The following EPS8L1 variants were observed in gnomAD, a reference collection of about 807,000 sequenced individuals.
The protein encoded by EPS8L1 is EPS8 signaling adaptor L1.
In EPS8L1, 101 loss-of-function variants were observed where a neutral mutation model predicts 91.7. That is an observed-to-expected ratio of 1.10 (90% CI 0.94 to 1.30). The LOEUF is 1.30. Among genes scored for constraint, EPS8L1 ranks in the 50% most tolerant of loss-of-function variants. The pLI, the probability that EPS8L1 is intolerant of heterozygous loss-of-function variation, is 0.00. For missense variants in EPS8L1, 1,114 were observed against 1,017.0 expected (o/e 1.10, Z -1.30); for synonymous variants, 506 against 445.3 (o/e 1.14, Z -1.72).
Position 55,083,494 on chromosome 19 carries a change from T to TAC in EPS8L1, c.1333_1334dup (p.Gln445HisfsTer89). The TAC allele has an allele frequency of 6.2e-7, 1 of 1,611,998 alleles. No homozygotes were observed. Among genetic ancestry groups the TAC allele is most frequent in the Non-Finnish European group, 8.5e-7 (1 of 1,179,528 alleles). ...TGGGAGGACCCAGTTGAGAAACAGCTACAGCACGAGCGGAGGCGCCGGCAG... is the reference window on the plus strand; with the variant it reads ...TGGGAGGACCCAGTTGAGAAACAGCTACACAGCACGAGCGGAGGCGCCGGCAG... On this transcript the variant is annotated frameshift_variant, in exon 13 of 20. Coordinates refer to ENST00000201647, the MANE Select transcript of EPS8L1 (RefSeq NM_133180.3). LOFTEE classifies it high-confidence loss of function. This position sits in a 1 kb window ranked among gnomAD's most constrained non-coding sequence, Gnocchi z 4.7.
chr19:55,081,101 C>A lies in EPS8L1; in HGVS notation c.513-130C>A. On this transcript the variant is annotated intron_variant, in intron 7 of 19. Transcript: ENST00000201647. This position sits in a 1 kb window ranked among gnomAD's most constrained non-coding sequence, Gnocchi z 4.9. ...CTATCCCTCCGTATATCGGATTTCT[C>A]CCTACCTCGTTGAACTTGTTCACTC... 2.5e-6 allele frequency: 3 copies of A among 1,195,112 alleles called. No individual in the cohort carries two copies. Among genetic ancestry groups the A allele is most frequent in the Non-Finnish European group, 3.4e-6 (3 of 882,866 alleles). 74.0% of individuals were successfully genotyped at this position (1,195,112 alleles called of 1,614,324 possible).
Position 55,079,855 on chromosome 19 carries a change from C to T in EPS8L1, c.279+4C>T, listed in dbSNP as rs775399659. Reference sequence around the variant, plus strand: ...GCTGCTCGACCCGGCCTCCAAGGTGCCGGGGGGCACGTGGGTGGGAGGAGT... The same window carrying T: ...GCTGCTCGACCCGGCCTCCAAGGTGTCGGGGGGCACGTGGGTGGGAGGAGT... On this transcript the variant is annotated splice_donor_region_variant and intron_variant, in intron 5 of 19. Transcript: ENST00000201647. The T allele has an allele frequency of 3.1e-6, 5 of 1,608,548 alleles. No individual in the cohort carries two copies. The South Asian group carries it at 5.5e-5, about 18-fold the overall frequency.
chr19:55,079,589 G>A, intron 4 of EPS8L1, 101 bp from the exon 5 acceptor site: 1 of 1,388,130 alleles, frequency 7.2e-7, no homozygotes, highest in Non-Finnish European at 9.8e-7. Context: ...TCCTGGAGGA[G>A]GTGTGGTTAG....
chr19:55,086,470 C>G lies in EPS8L1; in HGVS notation c.1729C>G (p.Arg577Gly). 6.4e-7 allele frequency: 1 copy of G among 1,552,086 alleles called. No individual in the cohort carries two copies. ...GGCTCGGCCCCGCTGGGACAGGCCC[C>G]GCTGGGACAGCTGCGATAGCCTCAA... Reference protein sequence around the residue: ...ALARPRWDRPRWDSCDSLNGL... With the variant: ...ALARPRWDRPGWDSCDSLNGL... The change falls in exon 17 of 20, where the codon CGC becomes GGC. Residue 577 changes from arginine to glycine, a missense_variant. Arg to Gly is a moderately radical substitution (Grantham distance 125, BLOSUM62 -2). Coordinates refer to ENST00000201647, the MANE Select transcript of EPS8L1 (RefSeq NM_133180.3).
At chr19:55,084,258 C>G (rs563914005) in intron 14 of EPS8L1, 2 of 161,792 alleles carry the variant, frequency 1.2e-5, no homozygotes, top group South Asian at 1.7e-4. Context: ...TTGTCTAAGT[C>G]GCTGCTGGGT....
At position 55,087,914 on chromosome 19, in the gene EPS8L1, G is replaced by A. The variant is rs188587147; in HGVS notation, c.*300G>A. 677 of 395,964 alleles carry A rather than the reference G, an allele frequency of 1.7e-3. 2 individuals are homozygous for A. Among genetic ancestry groups the A allele is most frequent in the Admixed American group, 4.4e-3 (113 of 25,822 alleles). 24.5% of individuals were successfully genotyped at this position (395,964 alleles called of 1,614,324 possible). On this transcript the variant is annotated 3_prime_UTR_variant, in exon 20 of 20. Transcript: ENST00000201647. The stretch of plus-strand genomic sequence containing the variant: ...GCGGCCCAGCCTATAAACAGCCTCC[G>A]TGCTTAGCAGATGGTGTGCCAACTG...
Position 55,080,225 on chromosome 19 carries a change from G to C in EPS8L1, c.376G>C (p.Glu126Gln). ...CTCGTTGCTGCTGCTCGTGTGCCAG[G>C]AACCCGAGCGCGCGCAGCCCGACGT... ...SRSLLLLVCQ[E>Q]PERAQPDVHF... The change falls in exon 6 of 20, where the codon GAA becomes CAA. Residue 126 changes from glutamate to glutamine, a missense_variant. Physicochemically the swap from Glu to Gln is conservative, Grantham distance 29 (BLOSUM62 2). Transcript: ENST00000201647. 1 of 1,538,558 alleles carries C rather than the reference G, an allele frequency of 6.5e-7. No homozygotes were observed. Among genetic ancestry groups the C allele is most frequent in the Non-Finnish European group, 8.8e-7 (1 of 1,138,018 alleles).
chr19:55,086,233 C>G (rs772461893), intron 16 of EPS8L1, 41 bp downstream of exon 16: 1 of 1,597,240 alleles, frequency 6.3e-7, no homozygotes, highest in South Asian at 1.1e-5. Flanking sequence ...GGTGGAGAGG[C>G]TGGGACCAGA....
Position 55,081,035 on chromosome 19 carries a change from C to A in EPS8L1, c.512+181C>A, listed in dbSNP as rs1447943097. ...TTCTCCAGAACTCTGCTTCTTTTCT[C>A]TGTTCCCTGTCCAGGCCCTCAGTTT... On this transcript the variant is annotated intron_variant, in intron 7 of 19. Coordinates refer to ENST00000201647, the MANE Select transcript of EPS8L1 (RefSeq NM_133180.3). The surrounding 1 kb of genome is among the most constrained non-coding windows in gnomAD (Gnocchi z 4.9). The A allele has an allele frequency of 5.1e-5, 47 of 918,262 alleles. No individual in the cohort carries two copies. In the South Asian group the frequency reaches 8.1e-4, roughly 16 times the overall value. The allele number at this position is 918,262 out of a possible 1,614,324, so 56.9% of individuals were successfully genotyped here.
At position 55,081,279 on chromosome 19, in the gene EPS8L1, C is replaced by T; in HGVS notation, c.561C>T (p.Thr187=). 6.5e-7 allele frequency: 1 copy of T among 1,542,456 alleles called. No individual in the cohort carries two copies. The highest frequency in any genetic ancestry group is 8.7e-7 in the Non-Finnish European group (1 of 1,152,972). The change falls in exon 8 of 20, where the codon ACC becomes ACT. Residue 187 remains threonine, a synonymous_variant. Transcript: ENST00000201647. The surrounding 1 kb of genome is among the most constrained non-coding windows in gnomAD (Gnocchi z 4.9). ...LQRDRSPAAE[T]PPLQRRPSVR... ...GCGACCGCTCGCCCGCCGCTGAGACCCCGCCCCTGCAGCGCCGCCCGTCAG... is the reference window on the plus strand; with the variant it reads ...GCGACCGCTCGCCCGCCGCTGAGACTCCGCCCCTGCAGCGCCGCCCGTCAG...
chr19:55,086,647 C>CCCCCCCGG, intron 17 of EPS8L1, 67 bp from the exon 18 acceptor site: 1 of 1,480,098 alleles, frequency 6.8e-7, no homozygotes, highest in Non-Finnish European at 9.2e-7. Context: ...CCCCCCGCCC[C>CCCCCCCGG]GCCCTCTGGC....
intron 4 of EPS8L1, 54 bp downstream of exon 4, chr19:55,079,111 C>G: frequency 1.3e-6 from 2 of 1,586,508 alleles, no homozygotes; most frequent in Non-Finnish European, 1.7e-6. Flanking sequence ...AAGGTGGCCT[C>G]AGGAGATAGG....
Position 55,087,548 on chromosome 19 carries a change from G to C in EPS8L1, c.2106G>C (p.Glu702Asp), listed in dbSNP as rs140687106. The change falls in exon 20 of 20, where the codon GAG (glutamate) becomes GAC (aspartate). Residue 702 changes from glutamate (E) to aspartate (D), a missense_variant. Transcript: ENST00000201647. ...TCCAGGACAAAGAGAAAGTGTCAGA[G>C]CTGGAGGCAGTGATGGAGAAGCAAA... ...SLLEDKEKVS[E>D]LEAVMEKQKK... is the part of the protein sequence containing the mutation. 1.1e-5 allele frequency: 17 copies of C among 1,614,116 alleles called. No homozygotes were observed. Among genetic ancestry groups the C allele is most frequent in the African/African-American group, 1.3e-5 (1 of 74,932 alleles).
rs748289464 is a variant in EPS8L1 at position 55,080,188 on chromosome 19, C to A, written c.339C>A (p.Pro113=). ...TGCGCTGTGACGCGGTGATGCCACC[C>A]GGCAGGAGCCGCTCGTTGCTGCTGC... is the stretch of plus-strand genomic sequence containing the variant. ...AIVRCDAVMP[P]GRSRSLLLLV... The change falls in exon 6 of 20, where the codon CCC becomes CCA. Residue 113 remains proline (P), a synonymous_variant. Coordinates refer to ENST00000201647, the MANE Select transcript of EPS8L1 (RefSeq NM_133180.3). The A allele has an allele frequency of 2.2e-5, 34 of 1,534,280 alleles. No individual in the cohort carries two copies. The highest frequency in any genetic ancestry group is 3.0e-5 in the Non-Finnish European group (34 of 1,134,976).
At position 55,081,205 on chromosome 19, in the gene EPS8L1, C is replaced by T. The variant is rs1206776707; in HGVS notation, c.513-26C>T. 3 of 1,494,058 alleles carry T rather than the reference C, an allele frequency of 2.0e-6. No individual in the cohort carries two copies. The South Asian group carries it at 4.0e-5, about 20-fold the overall frequency. The allele number at this position is 1,494,058 out of a possible 1,614,324, so 92.6% of individuals were successfully genotyped here. ...CCCTGGACCCCTCAGTGGACCCAGT[C>T]TTGGTGTCCCCGTCGCCCTCCGCAG... On this transcript the variant is annotated intron_variant, in intron 7 of 19. Coordinates refer to ENST00000201647, the MANE Select transcript of EPS8L1 (RefSeq NM_133180.3). The surrounding 1 kb of genome is among the most constrained non-coding windows in gnomAD (Gnocchi z 4.9).
intron 14 of EPS8L1, among the ~76,000 whole-genome samples, chr19:55,085,113 A>G (rs903076869): frequency 3.9e-5 from 6 of 152,216 alleles, no homozygotes; most frequent in African/African-American, 1.4e-4. Context: ...ATAAAGATCA[A>G]ATTAACTAAT....
chr19:55,084,896 A>C (rs1176884199), intron 14 of EPS8L1, among the ~76,000 whole-genome samples: 1 of 152,172 alleles, frequency 6.6e-6, no homozygotes, highest in Non-Finnish European at 1.5e-5. Flanking sequence ...GTTCAAGTCC[A>C]GCTGCCTGCA....
rs560414853 is a variant in EPS8L1 at position 55,081,373 on chromosome 19, G to C, written c.655G>C (p.Glu219Gln). 9 of 1,574,644 alleles carry C rather than the reference G, an allele frequency of 5.7e-6. No individual in the cohort carries two copies. Among genetic ancestry groups the C allele is most frequent in the East Asian group, 4.6e-5 (2 of 43,094 alleles). The change falls in exon 8 of 20, where the codon GAG becomes CAG. Residue 219 changes from glutamate (E) to glutamine (Q), a missense_variant. Glu to Gln is a conservative substitution (Grantham distance 29, BLOSUM62 2). Coordinates refer to ENST00000201647, the MANE Select transcript of EPS8L1 (RefSeq NM_133180.3). The surrounding 1 kb of genome is among the most constrained non-coding windows in gnomAD (Gnocchi z 4.9). ...RGRPQAKPIPEAEEAQRPEPV... is the reference protein window; with the variant it reads ...RGRPQAKPIPQAEEAQRPEPV... ...ACGACCCCAGGCGAAGCCCATTCCC[G>C]AGGCAGAGGAGGCGCAGAGGCCTGA...
Position 55,081,640 on chromosome 19 carries a change from G to T in EPS8L1, c.775-133G>T. The T allele has an allele frequency of 1.4e-6, 2 of 1,446,172 alleles. No homozygotes were observed. Among genetic ancestry groups the T allele is most frequent in the Non-Finnish European group, 1.8e-6 (2 of 1,087,594 alleles). The allele number at this position is 1,446,172 out of a possible 1,614,324, so 89.6% of individuals were successfully genotyped here. A position where few individuals can be genotyped will look rare whatever the true frequency, so the allele number is the denominator to read the frequency against. On this transcript the variant is annotated intron_variant, in intron 8 of 19. Coordinates refer to ENST00000201647, the MANE Select transcript of EPS8L1 (RefSeq NM_133180.3). This position sits in a 1 kb window ranked among gnomAD's most constrained non-coding sequence, Gnocchi z 4.9. ...AGGGGCTGGGTCGGGGGCGGGGCTTGGTTGTGGGGCGTGGCCAGGTGTTTG... is the reference window on the plus strand; with the variant it reads ...AGGGGCTGGGTCGGGGGCGGGGCTTTGTTGTGGGGCGTGGCCAGGTGTTTG...
Sources: allele counts gnomAD v4.1 joint callset (sites outside exome capture counted in the v4.1 genomes callset), GRCh38; gene constraint gnomAD v4.1.1; non-coding constraint Gnocchi (gnomAD v3.1); transcripts MANE v1.5; gene names NCBI Gene and HGNC (gene_info 2026-07-23, HGNC 2026-07-21).